The following KHDRBS2 variants were observed in gnomAD, a reference collection of about 807,000 sequenced individuals.
The protein encoded by KHDRBS2 is KH domain-containing, RNA-binding, signal transduction-associated protein 2.
In KHDRBS2, 26 loss-of-function variants were observed where a neutral mutation model predicts 44.3. That is an observed-to-expected ratio of 0.59 (90% CI 0.43 to 0.81). The LOEUF is 0.81. Ranked by LOEUF, KHDRBS2 falls within the 40% of genes least tolerant of loss-of-function variation. The pLI is 0.00. For synonymous variants in KHDRBS2, 194 were observed against 151.1 expected (o/e 1.28, Z -2.08); for missense variants, 476 against 433.1 (o/e 1.10, Z -0.88).
intron 4 of KHDRBS2, among the ~76,000 whole-genome samples, chr6:61,941,864 G>T (rs1812197402): frequency 6.6e-6 from 1 of 152,022 alleles, no homozygotes; most frequent in East Asian, 1.9e-4. Context: ...AAAAGCAAGG[G>T]AACATGGCAC....
At chr6:62,120,812 G>A (rs1287425891) in intron 2 of KHDRBS2, among the ~76,000 whole-genome samples, 2 of 152,088 alleles carry the variant, frequency 1.3e-5, no homozygotes, top group Non-Finnish European at 2.9e-5. Flanking sequence ...GAATAAAGGG[G>A]AGGCCAGGTC....
chr6:62,043,481 A>C (rs1474593015), intron 3 of KHDRBS2, among the ~76,000 whole-genome samples: 1 of 152,046 alleles, frequency 6.6e-6, no homozygotes, highest in Non-Finnish European at 1.5e-5. Context: ...TTCTTCTCAC[A>C]ATTTAAAATG....
intron 3 of KHDRBS2, among the ~76,000 whole-genome samples, chr6:62,046,055 A>T (rs746986070): frequency 1.3e-5 from 2 of 151,676 alleles, no homozygotes; most frequent in East Asian, 3.9e-4. Flanking sequence ...TATTTTATTT[A>T]ATTTGGTAAA....
In KHDRBS2 at chr6:62,143,656, G is replaced by A. The variant is rs185744087; in HGVS notation, c.219+33529C>T. The stretch of plus-strand genomic sequence containing the variant: ...GACGTGATTTTGCAACACTCCAATC[G>A]TAATGGCTATTCTCTCCTGGCTAAG... On this transcript the variant is annotated intron_variant, in intron 2 of 8. Transcript: ENST00000281156. Among the ~76,000 whole-genome samples, 344 of 150,956 alleles carry A rather than the reference G, an allele frequency of 2.3e-3. 3 individuals carry two copies. The highest frequency in any genetic ancestry group is 8.0e-3 in the African/African-American group (329 of 41,074).
intron 6 of KHDRBS2, among the ~76,000 whole-genome samples, chr6:61,848,510 T>C (rs188476194): frequency 0.12 from 5,593 of 47,258 alleles, 535 homozygotes; most frequent in East Asian, 0.19. Context: ...TATATATATA[T>C]GTATATATGT....
chr6:61,601,597 C>T, the KHDRBS2 span, among the ~76,000 whole-genome samples: 1 of 152,080 alleles, frequency 6.6e-6, no homozygotes, highest in Admixed American at 6.5e-5. Context: ...TCGGTACCTC[C>T]CTAGTCTCTG....
chr6:61,635,367 CT>C, the KHDRBS2 span, among the ~76,000 whole-genome samples: 3 of 151,922 alleles, frequency 2.0e-5, no homozygotes, highest in African/African-American at 7.3e-5. Context: ...CTGTCAGTTG[CT>C]TCTTTTTCTC....
chr6:61,578,466 T>C, the KHDRBS2 span, among the ~76,000 whole-genome samples: 2 of 152,282 alleles, frequency 1.3e-5, no homozygotes, highest in East Asian at 3.9e-4. Context: ...GTCTCTAGTT[T>C]ATTAGGTCAG....
At chr6:61,594,028 T>A in the KHDRBS2 span, among the ~76,000 whole-genome samples, 2 of 152,032 alleles carry the variant, frequency 1.3e-5, no homozygotes, top group Non-Finnish European at 2.9e-5. Flanking sequence ...AAAAAATATC[T>A]TTATTGAGCT....
At chr6:62,227,640 G>A (rs989753096) in intron 1 of KHDRBS2, among the ~76,000 whole-genome samples, 3 of 152,264 alleles carry the variant, frequency 2.0e-5, no homozygotes, top group East Asian at 3.9e-4. Context: ...TGCTCATTGA[G>A]TATGATATTG....
Position 62,168,118 on chromosome 6 carries a change from C to A in KHDRBS2, c.219+9067G>T, listed in dbSNP as rs192363832. Among the ~76,000 whole-genome samples the A allele has an allele frequency of 1.5e-3, 228 of 152,186 alleles. 1 individual carries two copies. The highest frequency in any genetic ancestry group is 5.3e-3 in the African/African-American group (221 of 41,540). On this transcript the variant is annotated intron_variant, in intron 2 of 8. Coordinates refer to ENST00000281156, the MANE Select transcript of KHDRBS2 (RefSeq NM_152688.4). ...AGAGCAAGTGAGATGGTTTTAAACACATTTTGGAACTTCAGTTTTCTGCAT... is the reference window on the plus strand; with the variant it reads ...AGAGCAAGTGAGATGGTTTTAAACAAATTTTGGAACTTCAGTTTTCTGCAT...
At chr6:61,861,764 T>G (rs1797015927) in intron 6 of KHDRBS2, among the ~76,000 whole-genome samples, 2 of 151,982 alleles carry the variant, frequency 1.3e-5, no homozygotes, top group Admixed American at 6.6e-5. Context: ...TCAATGCTAG[T>G]TTAATGGGAA....
chr6:62,234,364 C>T (rs2150161634), intron 1 of KHDRBS2, among the ~76,000 whole-genome samples: 1 of 152,184 alleles, frequency 6.6e-6, no homozygotes, highest in East Asian at 1.9e-4. Context: ...ATTAAGCAAT[C>T]TGCATATGAA....
the KHDRBS2 span, among the ~76,000 whole-genome samples, chr6:61,586,756 G>GA: frequency 9.9e-5 from 15 of 151,830 alleles, no homozygotes; most frequent in African/African-American, 2.4e-4. Context: ...AGCCAGCCCA[G>GA]AAAAAAAAGA....
intron 6 of KHDRBS2, among the ~76,000 whole-genome samples, chr6:61,756,702 A>T (rs940065533): frequency 6.6e-6 from 1 of 152,252 alleles, no homozygotes; most frequent in African/African-American, 2.4e-5. Flanking sequence ...GTTTAACTTA[A>T]CAGTAATTTC....
chr6:61,864,104 G>A (rs1260611302), intron 6 of KHDRBS2, among the ~76,000 whole-genome samples: 2 of 152,016 alleles, frequency 1.3e-5, no homozygotes, highest in Non-Finnish European at 2.9e-5. Context: ...AACTGGGATT[G>A]CGATCCCTCT....
the KHDRBS2 span, among the ~76,000 whole-genome samples, chr6:61,655,223 CAT>C: frequency 2.2e-4 from 22 of 99,748 alleles, no homozygotes; most frequent in East Asian, 2.1e-3. Context: ...TACATACATA[CAT>C]ACACACACAC....
chr6:61,593,997 A>G, the KHDRBS2 span, among the ~76,000 whole-genome samples: 1 of 152,238 alleles, frequency 6.6e-6, no homozygotes, highest in East Asian at 1.9e-4. Context: ...CAGTATCTCC[A>G]ATTGTGACTT....
At chr6:61,605,985 T>C in the KHDRBS2 span, among the ~76,000 whole-genome samples, 1 of 152,026 alleles carries the variant, frequency 6.6e-6, no homozygotes, top group Admixed American at 6.6e-5. Flanking sequence ...AAATGGCCGG[T>C]CCCTGCCTTA....
Sources: gnomAD v4.1 joint callset for allele counts (sites outside exome capture counted in the v4.1 genomes callset) on GRCh38, gnomAD v4.1.1 for gene constraint, MANE v1.5 for transcripts, NCBI Gene and HGNC (gene_info 2026-07-23, HGNC 2026-07-21) for gene names.